Variants in RASGEF1A observed in about 807,000 individuals in gnomAD.
The protein encoded by RASGEF1A is RasGEF domain family member 1A.
A neutral mutation model predicts 56.4 loss-of-function variants in RASGEF1A; 18 were observed. That is an observed-to-expected ratio of 0.32 (90% CI 0.22 to 0.47). The LOEUF (loss-of-function observed/expected upper bound fraction) is 0.47. RASGEF1A is among the 20% of genes least tolerant of loss of function. The pLI is 1.00. For missense variants in RASGEF1A, 422 were observed against 627.1 expected, an observed-to-expected ratio of 0.67 and a Z score of 3.49; for synonymous variants, 245 against 242.6, an observed-to-expected ratio of 1.01 and a Z score of -0.09.
rs1352532517 is a variant in RASGEF1A, at chr10:43,206,052, G to T, written c.65C>A (p.Pro22His). 5.6e-6 allele frequency: 9 copies of T among 1,608,894 alleles called. No individual in the cohort carries two copies. Among genetic ancestry groups the T allele is most frequent in the Non-Finnish European group, 7.6e-6 (9 of 1,178,116 alleles). ...LGPSCSGQVQ[P>H]GMGERGGGAG... is the part of the protein sequence containing the mutation. ...CCCGCCTCCACGCTCCCCCATGCCA[G>T]GCTGCACCTGTCCGCTACAGCTGGG... is the stretch of plus-strand genomic sequence containing the variant. The change falls in exon 2 of 13, where the codon CCT becomes CAT. Residue 22 changes from proline (P) to histidine (H), a missense_variant. Pro to His is a moderately conservative substitution (Grantham distance 77). Transcript: ENST00000395810.
intron 1 of RASGEF1A, among the ~76,000 whole-genome samples, chr10:43,236,854 A>T (rs1171502067): frequency 6.6e-6 from 1 of 152,084 alleles, no homozygotes; most frequent in Non-Finnish European, 1.5e-5. Context: ...CTCACACCTG[A>T]GATCACCTGG....
intron 9 of RASGEF1A, among the ~76,000 whole-genome samples, chr10:43,198,709 CTG>C (rs1460417927): frequency 6.6e-6 from 1 of 152,244 alleles, no homozygotes; most frequent in Non-Finnish European, 1.5e-5. Context: ...GCATTCCACT[CTG>C]GAACTCGCCT....
chr10:43,259,747 G>C (rs1278904243), intron 1 of RASGEF1A, among the ~76,000 whole-genome samples: 1 of 152,178 alleles, frequency 6.6e-6, no homozygotes, highest in Non-Finnish European at 1.5e-5. Flanking sequence ...GGGCTCAATA[G>C]GCCAGAGGAG....
intron 1 of RASGEF1A, among the ~76,000 whole-genome samples, chr10:43,264,347 G>A (rs61845699): frequency 0.46 from 70,042 of 150,706 alleles, 16,581 homozygotes; most frequent in African/African-American, 0.49. Context: ...CTGGACCCCC[G>A]CAGGTCAGGC....
intron 10 of RASGEF1A, 135 bp from the exon 11 acceptor site, chr10:43,197,234 G>A (rs1690007235): frequency 1.9e-6 from 2 of 1,050,020 alleles, no homozygotes; most frequent in African/African-American, 3.2e-5. Flanking sequence ...CAGTGGCCCT[G>A]CACGCTGACC....
In RASGEF1A at chr10:43,200,819, T is replaced by G. The variant is rs1291738551; in HGVS notation, c.529A>C (p.Ser177Arg). Residue 177 changes from serine to arginine, a missense_variant, in exon 5 of 13, where the codon AGC becomes CGC. By Grantham distance (110) the Ser-to-Arg change is moderately radical. Transcript: ENST00000395810. ...TTCTCTCGCAGTTCCTGGAGCTGGC[T>G]CCGGGCAGCCAAGGACAGCAACAGG... is the stretch of plus-strand genomic sequence containing the variant. ...QSLLLSLAAR[S>R]QLQELREKLR... The G allele has an allele frequency of 1.9e-6, 3 of 1,613,806 alleles. No homozygotes were observed. Among genetic ancestry groups the G allele is most frequent in the Non-Finnish European group, 2.5e-6 (3 of 1,180,016 alleles).
At chr10:43,229,279 C>A (rs1387857452) in intron 1 of RASGEF1A, among the ~76,000 whole-genome samples, 2 of 152,226 alleles carry the variant, frequency 1.3e-5, no homozygotes, top group Admixed American at 1.3e-4. Flanking sequence ...AGACCACACA[C>A]CGCGGACCAC....
rs770091195 is a variant in RASGEF1A at position 43,206,010 on chromosome 10, C to T, written c.107G>A (p.Gly36Glu). 1.4e-5 allele frequency: 23 copies of T among 1,610,806 alleles called. No homozygotes were observed. Among genetic ancestry groups the T allele is most frequent in the Non-Finnish European group, 1.9e-5 (22 of 1,179,212 alleles). ...GTGTCCATCTTGGAAGATGAGGTCC[C>T]CGGAGCCGCCACCGGCCCCGCCTCC... is the stretch of plus-strand genomic sequence containing the variant. Reference protein sequence around the residue: ...ERGGGAGGGSGDLIFQDGHLI... With the variant: ...ERGGGAGGGSEDLIFQDGHLI... Residue 36 changes from glycine to glutamate, a missense_variant, in exon 2 of 13, where the codon GGG becomes GAG. Transcript: ENST00000395810.
Position 43,208,529 on chromosome 10 carries a change from C to G in RASGEF1A, c.-6-2407G>C, listed in dbSNP as rs577392182. 119 of 985,710 alleles carry G rather than the reference C, an allele frequency of 1.2e-4. 1 individual carries two copies. In the Middle Eastern group the frequency reaches 4.2e-3, roughly 35 times the overall value. The allele number at this position is 985,710 out of a possible 1,614,324, so 61.1% of individuals were successfully genotyped here. A position where few individuals can be genotyped will look rare whatever the true frequency, so the allele number is the denominator to read the frequency against. On this transcript the variant is annotated intron_variant, in intron 1 of 12. Coordinates refer to ENST00000395810, the MANE Select transcript of RASGEF1A (RefSeq NM_145313.4). ...TGGAGGAGGAGCATGCAGGGGTGTCCCAGGCAAGCAGAGGTTCTGCACATG... is the reference window on the plus strand; with the variant it reads ...TGGAGGAGGAGCATGCAGGGGTGTCGCAGGCAAGCAGAGGTTCTGCACATG...
intron 1 of RASGEF1A, among the ~76,000 whole-genome samples, chr10:43,214,095 C>T (rs78263635): frequency 0.045 from 6,863 of 152,272 alleles, 183 homozygotes; most frequent in South Asian, 0.088. Context: ...TCCTTCCCTC[C>T]ATTCAAACTG....
chr10:43,237,624 C>G (rs1339985871), intron 1 of RASGEF1A, among the ~76,000 whole-genome samples: 1 of 152,172 alleles, frequency 6.6e-6, no homozygotes, highest in African/African-American at 2.4e-5. Flanking sequence ...CCTCCTCCCT[C>G]CAGTCCCTGC....
intron 2 of RASGEF1A, among the ~76,000 whole-genome samples, chr10:43,204,608 G>A (rs1262388075): frequency 6.6e-6 from 1 of 152,172 alleles, no homozygotes; most frequent in Admixed American, 6.5e-5. Flanking sequence ...TGGAGACCAT[G>A]TGTGCATGTT....
chr10:43,250,661 T>C (rs1348409881), intron 1 of RASGEF1A, among the ~76,000 whole-genome samples: 2 of 152,102 alleles, frequency 1.3e-5, no homozygotes, highest in Non-Finnish European at 2.9e-5. Context: ...TCAGGCACCC[T>C]AGAGGGTTCC....
chr10:43,230,074 G>A (rs912784067), intron 1 of RASGEF1A, among the ~76,000 whole-genome samples: 8 of 151,634 alleles, frequency 5.3e-5, no homozygotes, highest in Admixed American at 2.0e-4. Flanking sequence ...CGCGGGGCCG[G>A]CGAGGGGGCG....
chr10:43,229,594 A>C (rs2133209254), intron 1 of RASGEF1A: 1 of 1,451,748 alleles, frequency 6.9e-7, no homozygotes, highest in South Asian at 1.3e-5. Context: ...CAGCGCAAGA[A>C]CCCTGCCCCG....
intron 3 of RASGEF1A, chr10:43,202,771 C>T (rs1839923415): frequency 3.9e-5 from 18 of 460,892 alleles, no homozygotes; most frequent in South Asian, 2.5e-4. Flanking sequence ...CACCACGCCC[C>T]TAACCCGGAC....
chr10:43,214,790 C>T (rs1362834884), intron 1 of RASGEF1A, among the ~76,000 whole-genome samples: 1 of 152,220 alleles, frequency 6.6e-6, no homozygotes, highest in Non-Finnish European at 1.5e-5. Context: ...CCTTGCTTTG[C>T]TTTAAGTGTG....
chr10:43,220,395 A>T (rs1840192282), intron 1 of RASGEF1A, among the ~76,000 whole-genome samples: 1 of 152,096 alleles, frequency 6.6e-6, no homozygotes, highest in Non-Finnish European at 1.5e-5. Context: ...CAGGAGGCTG[A>T]GGTAGGGGGA....
At chr10:43,229,942 G>C (rs1840340535) in intron 1 of RASGEF1A, among the ~76,000 whole-genome samples, 1 of 151,930 alleles carries the variant, frequency 6.6e-6, no homozygotes, top group Admixed American at 6.6e-5. Context: ...CTGGAGCGCT[G>C]TCAGGAGGAG....
Sources: gnomAD v4.1 joint callset for allele counts (sites outside exome capture counted in the v4.1 genomes callset) on GRCh38, gnomAD v4.1.1 for gene constraint, MANE v1.5 for transcripts, NCBI Gene and HGNC (gene_info 2026-07-23, HGNC 2026-07-21) for gene names.